Variants in CHST9 observed in about 807,000 individuals in gnomAD.
CHST9 encodes carbohydrate sulfotransferase 9.
Under a neutral mutation model 44.4 loss-of-function variants are expected in CHST9, and 41 were observed. The observed-to-expected ratio is 0.92, with a 90% CI of 0.72 to 1.20. The LOEUF is 1.20. CHST9 is among the 50% of genes most tolerant of loss of function. The pLI, the probability that CHST9 is intolerant of heterozygous loss-of-function variation, is 0.00. For synonymous variants in CHST9, 171 were observed against 178.4 expected (o/e 0.96, Z 0.33); for missense variants, 504 against 516.5 (o/e 0.98, Z 0.23).
intron 5 of CHST9, 55 bp from the exon 6 acceptor site, chr18:26,917,405 C>T (rs1355539938): frequency 1.9e-6 from 3 of 1,545,452 alleles, no homozygotes; most frequent in Non-Finnish European, 2.6e-6. Context: ...TGTGGGTATA[C>T]TGGATAAGGA....
chr18:27,167,827 T>C (rs1394301178), intron 1 of CHST9, among the ~76,000 whole-genome samples: 1 of 152,050 alleles, frequency 6.6e-6, no homozygotes, highest in East Asian at 1.9e-4. Context: ...ATGTGCAAAG[T>C]TGTAGTGAAG....
chr18:26,969,374 C>CTGTGTGTGTGTGTG (rs752526316), intron 4 of CHST9, among the ~76,000 whole-genome samples: 16 of 149,240 alleles, frequency 1.1e-4, no homozygotes, highest in African/African-American at 3.8e-4. Context: ...CTCTCTCTCT[C>CTGTGTGTGTGTGTG]TCTGTGTGTG....
intron 4 of CHST9, among the ~76,000 whole-genome samples, chr18:27,003,401 G>A (rs923722724): frequency 1.2e-4 from 19 of 152,262 alleles, no homozygotes; most frequent in African/African-American, 9.6e-5. Flanking sequence ...AAACTAGGTC[G>A]CTGGGTGAAG....
At position 26,915,293 on chromosome 18, in the gene CHST9, CAAAAGCTAT is replaced by C; in HGVS notation, c.*957_*965del. Reference sequence around the variant, plus strand: ...CTAAGCTGAATAATTAAACTGAAAACAAAAGCTATTCTTAGGGTGTATTCCACATATAAA... The same window carrying C: ...CTAAGCTGAATAATTAAACTGAAAACTCTTAGGGTGTATTCCACATATAAA... On this transcript the variant is annotated 3_prime_UTR_variant, in exon 6 of 6. Transcript: ENST00000618847. The C allele has an allele frequency of 3.8e-6, 1 of 264,360 alleles. No homozygotes were observed. The highest frequency in any genetic ancestry group is 6.5e-5 in the East Asian group (1 of 15,292). 16.4% of individuals were successfully genotyped at this position (264,360 alleles called of 1,614,324 possible).
intron 4 of CHST9, among the ~76,000 whole-genome samples, chr18:27,020,582 C>T (rs1415650113): frequency 6.6e-6 from 1 of 152,156 alleles, no homozygotes; most frequent in Non-Finnish European, 1.5e-5. Flanking sequence ...TTCATTATCT[C>T]CAAAGATCTT....
intron 1 of CHST9, among the ~76,000 whole-genome samples, chr18:27,172,562 A>G (rs936247636): frequency 6.6e-6 from 1 of 152,034 alleles, no homozygotes; most frequent in Non-Finnish European, 1.5e-5. Flanking sequence ...TCTTCTTATT[A>G]AAACAATATC....
At chr18:27,154,787 T>C (rs1421354255) in intron 1 of CHST9, among the ~76,000 whole-genome samples, 2 of 151,998 alleles carry the variant, frequency 1.3e-5, no homozygotes, top group African/African-American at 2.4e-5. Context: ...CAGCTCATTA[T>C]GTAACCTCTA....
chr18:26,977,371 C>T (rs1018744733), intron 4 of CHST9, among the ~76,000 whole-genome samples: 15 of 150,066 alleles, frequency 1.0e-4, no homozygotes, highest in Admixed American at 8.0e-4. Context: ...CACTACCAAG[C>T]CTTGAGCTTA....
intron 4 of CHST9, among the ~76,000 whole-genome samples, chr18:26,979,661 A>G (rs2056667978): frequency 6.6e-6 from 1 of 152,168 alleles, no homozygotes; most frequent in South Asian, 2.1e-4. Flanking sequence ...TCATTTTACC[A>G]AGAGCTCCTT....
chr18:27,133,523 G>A (rs1416961979), intron 2 of CHST9, among the ~76,000 whole-genome samples: 1 of 152,162 alleles, frequency 6.6e-6, no homozygotes, highest in African/African-American at 2.4e-5. Flanking sequence ...TACATGGCAA[G>A]GTGAGGACTG....
intron 2 of CHST9, among the ~76,000 whole-genome samples, chr18:27,118,795 G>C (rs1299593483): frequency 1.3e-5 from 2 of 152,156 alleles, no homozygotes; most frequent in African/African-American, 4.8e-5. Context: ...TTCCCAAGTA[G>C]TCCCACAGTC....
intron 2 of CHST9, among the ~76,000 whole-genome samples, chr18:27,097,847 C>G (rs1347852852): frequency 3.3e-5 from 5 of 152,052 alleles, no homozygotes; most frequent in African/African-American, 1.2e-4. Context: ...GGAATCCTTT[C>G]CCCATTTCTT....
At chr18:27,052,434 A>G (rs2057579644) in intron 2 of CHST9, among the ~76,000 whole-genome samples, 1 of 152,108 alleles carries the variant, frequency 6.6e-6, no homozygotes, top group Non-Finnish European at 1.5e-5. Context: ...ATGGACACAG[A>G]GATTGAACTG....
chr18:26,992,487 GTT>G (rs2056831233), intron 4 of CHST9, among the ~76,000 whole-genome samples: 1 of 152,278 alleles, frequency 6.6e-6, no homozygotes, highest in South Asian at 2.1e-4. Flanking sequence ...GTTTTACTTA[GTT>G]GGTTGGTTGA....
intron 4 of CHST9, among the ~76,000 whole-genome samples, chr18:26,966,459 A>G (rs1362721527): frequency 6.6e-6 from 1 of 152,242 alleles, no homozygotes; most frequent in African/African-American, 2.4e-5. Context: ...TAAAAATTTC[A>G]TCTCTTTGCC....
chr18:27,052,268 GTA>G (rs905874224), intron 2 of CHST9, among the ~76,000 whole-genome samples: 1 of 122,798 alleles, frequency 8.1e-6, no homozygotes, highest in Non-Finnish European at 1.9e-5. Flanking sequence ...ATATATATGT[GTA>G]TATATATGTA....
At chr18:27,144,601 T>C (rs2143876310) in intron 1 of CHST9, among the ~76,000 whole-genome samples, 1 of 152,154 alleles carries the variant, frequency 6.6e-6, no homozygotes, top group South Asian at 2.1e-4. Flanking sequence ...GGTAGGAGGA[T>C]CACTTGAGCC....
intron 4 of CHST9, among the ~76,000 whole-genome samples, chr18:27,023,889 T>A (rs71353424): frequency 0.13 from 19,261 of 152,184 alleles, 1,344 homozygotes; most frequent in East Asian, 0.26. Context: ...TTTAGTTTCC[T>A]TTGTAAATCC....
intron 4 of CHST9, among the ~76,000 whole-genome samples, chr18:26,997,362 T>G (rs2056898500): frequency 6.6e-6 from 1 of 152,234 alleles, no homozygotes; most frequent in Non-Finnish European, 1.5e-5. Flanking sequence ...TTATCCATTA[T>G]AAACACAATT....
Sources: gnomAD v4.1 joint callset for allele counts (sites outside exome capture counted in the v4.1 genomes callset) on GRCh38, gnomAD v4.1.1 for gene constraint, MANE v1.5 for transcripts, NCBI Gene and HGNC (gene_info 2026-07-23, HGNC 2026-07-21) for gene names.